The following OR2T12 variants were observed in gnomAD, a reference collection of about 807,000 sequenced individuals.
OR2T12 encodes olfactory receptor 2T12.
For missense variants in OR2T12, 335 were observed against 404.3 expected (o/e 0.83, Z 1.47); for synonymous variants, 127 against 160.5 (o/e 0.79, Z 1.58).
At chr1:248,302,022 GA>G (rs921066352) in intron 1 of OR2T12, among the ~76,000 whole-genome samples, 1 of 150,674 alleles carries the variant, frequency 6.6e-6, no homozygotes, top group Non-Finnish European at 1.5e-5. Flanking sequence ...AGGAGACATT[GA>G]GAGGCCAGAA....
At position 248,293,612 on chromosome 1, in the gene OR2T12, C is replaced by T. The variant is rs1659666522; in HGVS notation, c.*1004G>A. 2 of 152,196 alleles carry T rather than the reference C, an allele frequency of 1.3e-5. No homozygotes were observed. The highest frequency in any genetic ancestry group is 6.8e-3 in the Middle Eastern group (2 of 294). The allele number at this position is 152,196 out of a possible 1,614,324, so 9.4% of individuals were successfully genotyped here. On this transcript the variant is annotated 3_prime_UTR_variant, in exon 3 of 3. Coordinates refer to ENST00000641276, the MANE Select transcript of OR2T12 (RefSeq NM_001004692.2). ...TTTCATCAGAAATATCTCTACTTAC[C>T]TATGCCTTGGGAGAAGTAAGGTAAC... is the stretch of plus-strand genomic sequence containing the variant.
chr1:248,302,620 A>C (rs1376862172), intron 1 of OR2T12, among the ~76,000 whole-genome samples: 7 of 152,186 alleles, frequency 4.6e-5, no homozygotes, highest in African/African-American at 1.7e-4. Context: ...AGCACATGAC[A>C]AATGGAAACA....
At chr1:248,296,681 C>T (rs950178247) in intron 2 of OR2T12, among the ~76,000 whole-genome samples, 35 of 152,144 alleles carry the variant, frequency 2.3e-4, no homozygotes, top group South Asian at 6.2e-4. Flanking sequence ...TCATGTCCTT[C>T]GCCCACTTTT....
rs1659602956 is a variant in OR2T12, at chr1:248,290,300, G to C, written c.*4316C>G. On this transcript the variant is annotated 3_prime_UTR_variant, in exon 3 of 3. Coordinates refer to ENST00000641276, the MANE Select transcript of OR2T12 (RefSeq NM_001004692.2). Reference sequence around the variant, plus strand: ...TCCCTATTTAATTCCACTTATGAATGAGAACATGCGGTGTTTGGTTTTCTG... The same window carrying C: ...TCCCTATTTAATTCCACTTATGAATCAGAACATGCGGTGTTTGGTTTTCTG... 2 of 152,136 alleles carry C rather than the reference G, an allele frequency of 1.3e-5. No homozygotes were observed. 9.4% of individuals were successfully genotyped at this position (152,136 alleles called of 1,614,324 possible).
At chr1:248,298,245 T>C (rs922850483) in intron 2 of OR2T12, among the ~76,000 whole-genome samples, 8 of 152,184 alleles carry the variant, frequency 5.3e-5, no homozygotes, top group Admixed American at 2.6e-4. Flanking sequence ...TTGCTGGATT[T>C]GGTTTGCCAG....
At chr1:248,299,909 A>T (rs1659790717) in intron 2 of OR2T12, among the ~76,000 whole-genome samples, 1 of 152,158 alleles carries the variant, frequency 6.6e-6, no homozygotes, top group Non-Finnish European at 1.5e-5. Context: ...CTACATGGAA[A>T]CTGAACAACC....
chr1:248,294,834 A>G lies in OR2T12; in HGVS notation c.745T>C (p.Phe249Leu). The change falls in exon 3 of 3, where the codon TTT becomes CTT. Residue 249 changes from phenylalanine to leucine, a missense_variant. Transcript: ENST00000641276. The part of the protein sequence containing the change: ...CSSHVAVVGL[F>L]YGAGIFTYMR... Reference sequence around the variant, plus strand: ...TAGGTAAAAATGCCAGCTCCATAAAAGAGTCCCACCACAGCCACATGTGAA... The same window carrying G: ...TAGGTAAAAATGCCAGCTCCATAAAGGAGTCCCACCACAGCCACATGTGAA... The G allele has an allele frequency of 3.7e-6, 6 of 1,613,236 alleles. No individual in the cohort carries two copies. The highest frequency in any genetic ancestry group is 5.1e-6 in the Non-Finnish European group (6 of 1,179,852).
intron 2 of OR2T12, among the ~76,000 whole-genome samples, chr1:248,296,617 AT>A (rs1659732458): frequency 6.6e-6 from 1 of 151,908 alleles, no homozygotes; most frequent in Non-Finnish European, 1.5e-5. Context: ...GATGGTGAGC[AT>A]TTTTTCATGT....
rs139536610 is a variant in OR2T12, at chr1:248,294,634, C to G, written c.945G>C (p.Glu315Asp). ...CACTAGATCATCTTGACCTGTGGGC[C>G]TCATTTTGCTGGTGTTTTAGGTTTA... ...TCVNLKHQQN[E>D]AHRSR Residue 315 changes from glutamate (E) to aspartate (D), a missense_variant, in exon 3 of 3, where the codon GAG becomes GAC. By Grantham distance (45) the Glu-to-Asp change is conservative (BLOSUM62 2). Coordinates refer to ENST00000641276, the MANE Select transcript of OR2T12 (RefSeq NM_001004692.2). The G allele has an allele frequency of 1.1e-5, 18 of 1,613,648 alleles. No individual in the cohort carries two copies. Among genetic ancestry groups the G allele is most frequent in the Non-Finnish European group, 1.5e-5 (18 of 1,179,916 alleles).
chr1:248,297,570 G>A (rs1004378557), intron 2 of OR2T12, among the ~76,000 whole-genome samples: 16 of 152,066 alleles, frequency 1.1e-4, no homozygotes, highest in Admixed American at 7.2e-4. Context: ...GGTCCTTCAC[G>A]TCCCTTGTAA....
chr1:248,296,928 C>G (rs1031982413), intron 2 of OR2T12, among the ~76,000 whole-genome samples: 3 of 152,140 alleles, frequency 2.0e-5, no homozygotes, highest in African/African-American at 7.2e-5. Context: ...AGTCCTTGCC[C>G]GTGCCTATGT....
At position 248,292,824 on chromosome 1, in the gene OR2T12, C is replaced by G. The variant is rs1558275595; in HGVS notation, c.*1792G>C. The G allele has an allele frequency of 6.6e-6, 1 of 151,930 alleles. No individual in the cohort carries two copies. The highest frequency in any genetic ancestry group is 1.5e-5 in the Non-Finnish European group (1 of 67,932). The allele number at this position is 151,930 out of a possible 1,614,324, so 9.4% of individuals were successfully genotyped here. A position where few individuals can be genotyped will look rare whatever the true frequency, so the allele number is the denominator to read the frequency against. ...TAATTTTCTGGTTAGAATATTTTAT[C>G]CTTACAAAATTTTAAAGGCTTAGTT... On this transcript the variant is annotated 3_prime_UTR_variant, in exon 3 of 3. Coordinates refer to ENST00000641276, the MANE Select transcript of OR2T12 (RefSeq NM_001004692.2).
At position 248,298,988 on chromosome 1, in the gene OR2T12, C is replaced by G. The variant is rs112346131; in HGVS notation, c.-9+2385G>C. ...TACTTTACAGACAAGCAAATGCTGA[C>G]AGATTTTGTCACCACCAGGCCTGCC... is the stretch of plus-strand genomic sequence containing the variant. On this transcript the variant is annotated intron_variant, in intron 2 of 2. Transcript: ENST00000641276. 3.3e-5 allele frequency among the ~76,000 whole-genome samples: 5 copies of G among 151,992 alleles called. 1 individual carries two copies. Among genetic ancestry groups the G allele is most frequent in the African/African-American group, 4.8e-5 (2 of 41,394 alleles).
At chr1:248,298,637 G>T (rs1028629311) in intron 2 of OR2T12, among the ~76,000 whole-genome samples, 1 of 151,146 alleles carries the variant, frequency 6.6e-6, no homozygotes, top group African/African-American at 2.4e-5. Flanking sequence ...GTTTATTTGC[G>T]TAGAGGTGTT....
intron 2 of OR2T12, among the ~76,000 whole-genome samples, chr1:248,298,485 C>G (rs537089729): frequency 6.6e-6 from 1 of 151,986 alleles, no homozygotes; most frequent in East Asian, 1.9e-4. Flanking sequence ...TGGTCCTGGA[C>G]TCTTTTTGGT....
At chr1:248,297,395 T>A (rs1019695151) in intron 2 of OR2T12, among the ~76,000 whole-genome samples, 3 of 152,096 alleles carry the variant, frequency 2.0e-5, no homozygotes, top group Admixed American at 6.6e-5. Context: ...GTGAAGAAAG[T>A]CATTGGTACC....
In OR2T12 at chr1:248,292,035, A is replaced by AAAAC; in HGVS notation, c.*2577_*2580dup. 1 of 152,354 alleles carries AAAAC rather than the reference A, an allele frequency of 6.6e-6. No homozygotes were observed. The highest frequency in any genetic ancestry group is 2.4e-5 in the African/African-American group (1 of 41,578). 9.4% of individuals were successfully genotyped at this position (152,354 alleles called of 1,614,324 possible). A position where few individuals can be genotyped will look rare whatever the true frequency, so the allele number is the denominator to read the frequency against. On this transcript the variant is annotated 3_prime_UTR_variant, in exon 3 of 3. Transcript: ENST00000641276. ...AGGCATGGGCAAAGACTTCATGACT[A>AAAAC]AAACACCAAAGCAATGGCAACAAAA...
Position 248,293,737 on chromosome 1 carries a change from G to A in OR2T12, c.*879C>T, listed in dbSNP as rs886135501. On this transcript the variant is annotated 3_prime_UTR_variant, in exon 3 of 3. Coordinates refer to ENST00000641276, the MANE Select transcript of OR2T12 (RefSeq NM_001004692.2). ...GATCATGCAATTCAGAGTTCATATC[G>A]ATGGAGGTATGTCAATAAGTCAAGG... 2.5e-4 allele frequency: 38 copies of A among 152,122 alleles called. No homozygotes were observed. The highest frequency in any genetic ancestry group is 5.9e-5 in the Non-Finnish European group (4 of 68,004). The allele number at this position is 152,122 out of a possible 1,614,324, so 9.4% of individuals were successfully genotyped here. A position where few individuals can be genotyped will look rare whatever the true frequency, so the allele number is the denominator to read the frequency against.
intron 2 of OR2T12, among the ~76,000 whole-genome samples, chr1:248,296,945 T>A (rs560144173): frequency 1.2e-4 from 18 of 152,196 alleles, no homozygotes; most frequent in Non-Finnish European, 2.4e-4. Flanking sequence ...ATGTCCTCAA[T>A]GGTAACGCCT....
Sources: allele counts gnomAD v4.1 joint callset (sites outside exome capture counted in the v4.1 genomes callset), GRCh38; gene constraint gnomAD v4.1.1; transcripts MANE v1.5; gene names NCBI Gene and HGNC (gene_info 2026-07-23, HGNC 2026-07-21).